The following CADM2 variants were observed in gnomAD, a reference collection of about 807,000 sequenced individuals.
CADM2 encodes the protein cell adhesion molecule 2, also known as immunoglobulin superfamily member 4D.
In CADM2, 12 loss-of-function variants were observed where a neutral mutation model predicts 49.8. The observed-to-expected ratio is 0.24, with a 90% CI of 0.15 to 0.39. The LOEUF (loss-of-function observed/expected upper bound fraction) is 0.39, where lower values mean the gene tolerates loss of function less well. CADM2 is among the 10% of genes least tolerant of loss of function. The probability of loss-of-function intolerance (pLI) is 1.00; values close to 1 mark genes in which losing one functional copy is unlikely to be tolerated. For missense variants in CADM2, 378 were observed against 492.3 expected, an observed-to-expected ratio of 0.77 and a Z score of 2.20; for synonymous variants, 214 against 175.4, an observed-to-expected ratio of 1.22 and a Z score of -1.74.
chr3:85,618,573 G>A (rs1178403211), intron 1 of CADM2, among the ~76,000 whole-genome samples: 1 of 151,960 alleles, frequency 6.6e-6, no homozygotes, highest in Non-Finnish European at 1.5e-5. Flanking sequence ...CTTAGTCATA[G>A]CCAAAGGATA....
chr3:85,432,473 G>T (rs2036726960), intron 1 of CADM2, among the ~76,000 whole-genome samples: 1 of 152,124 alleles, frequency 6.6e-6, no homozygotes. Flanking sequence ...CTCAAATCGT[G>T]AGAAGGGTTT....
chr3:85,162,070 A>G (rs1371287648), intron 1 of CADM2, among the ~76,000 whole-genome samples: 2 of 151,934 alleles, frequency 1.3e-5, no homozygotes, highest in African/African-American at 4.8e-5. Context: ...TTTAACCGTC[A>G]GTGATTGGTT....
At chr3:85,984,384 A>C (rs539799511) in intron 8 of CADM2, among the ~76,000 whole-genome samples, 4 of 151,712 alleles carry the variant, frequency 2.6e-5, no homozygotes, top group Non-Finnish European at 4.4e-5. Context: ...ATTTCATAAT[A>C]AACCATGTCA....
intron 7 of CADM2, among the ~76,000 whole-genome samples, chr3:85,945,292 T>C (rs1297676929): frequency 6.6e-6 from 1 of 151,914 alleles, no homozygotes; most frequent in Non-Finnish European, 1.5e-5. Context: ...ATTAAGAGCT[T>C]ACCAACAAAA....
At chr3:85,535,882 G>A (rs1411683585) in intron 1 of CADM2, among the ~76,000 whole-genome samples, 15 of 152,114 alleles carry the variant, frequency 9.9e-5, no homozygotes, top group East Asian at 1.9e-4. Flanking sequence ...GGTAGCTGTC[G>A]TATGGTAATG....
At chr3:84,978,994 T>C (rs931894373) in intron 1 of CADM2, among the ~76,000 whole-genome samples, 6 of 152,040 alleles carry the variant, frequency 3.9e-5, no homozygotes, top group Non-Finnish European at 7.4e-5. Context: ...GGCTGTGCCA[T>C]TGGCTCCCCC....
At chr3:85,039,881 C>CA (rs1211751744) in intron 1 of CADM2, among the ~76,000 whole-genome samples, 1 of 152,164 alleles carries the variant, frequency 6.6e-6, no homozygotes, top group African/African-American at 2.4e-5. Context: ...AAAACGGCTT[C>CA]ACCCAGCAAT....
chr3:85,023,237 G>T (rs2034584942), intron 1 of CADM2, among the ~76,000 whole-genome samples: 1 of 151,992 alleles, frequency 6.6e-6, no homozygotes, highest in Non-Finnish European at 1.5e-5. Flanking sequence ...TTTTGTTGTT[G>T]TTTTTGTTCT....
At chr3:85,293,304 C>T (rs1016067222) in intron 1 of CADM2, among the ~76,000 whole-genome samples, 1 of 151,622 alleles carries the variant, frequency 6.6e-6, no homozygotes, top group Admixed American at 6.6e-5. Context: ...CAATAGCTTA[C>T]CCACCAAAAA....
chr3:85,091,801 A>G (rs961149380), intron 1 of CADM2, among the ~76,000 whole-genome samples: 90 of 152,232 alleles, frequency 5.9e-4, no homozygotes, highest in African/African-American at 2.1e-3. Flanking sequence ...AAGCATAGTA[A>G]CCCATTTCTA....
intron 1 of CADM2, among the ~76,000 whole-genome samples, chr3:84,961,557 A>C (rs2030517295): frequency 6.6e-6 from 1 of 152,106 alleles, no homozygotes; most frequent in Non-Finnish European, 1.5e-5. Context: ...GCGCTGAGAC[A>C]ATCTCACAGA....
chr3:85,133,848 C>T (rs2039320275), intron 1 of CADM2, among the ~76,000 whole-genome samples: 1 of 152,254 alleles, frequency 6.6e-6, no homozygotes, highest in Admixed American at 6.5e-5. Context: ...GCCAGTCCCG[C>T]GCCGTGCGCC....
chr3:85,066,305 T>C (rs2036527609), intron 1 of CADM2, among the ~76,000 whole-genome samples: 1 of 151,388 alleles, frequency 6.6e-6, no homozygotes, highest in South Asian at 2.1e-4. Context: ...TGTTCCCAAA[T>C]CTGGCCCACC....
intron 1 of CADM2, among the ~76,000 whole-genome samples, chr3:85,311,536 G>T (rs1286304706): frequency 6.6e-6 from 1 of 151,768 alleles, no homozygotes; most frequent in Admixed American, 6.6e-5. Context: ...CACCACCCCG[G>T]CTAATTTTTT....
intron 1 of CADM2, among the ~76,000 whole-genome samples, chr3:85,111,186 A>G (rs1434046333): frequency 6.6e-6 from 1 of 151,854 alleles, no homozygotes; most frequent in Admixed American, 6.6e-5. Context: ...AAAACATTTT[A>G]TATGCATTTA....
At chr3:84,976,476 C>A (rs1347276472) in intron 1 of CADM2, among the ~76,000 whole-genome samples, 1 of 151,282 alleles carries the variant, frequency 6.6e-6, no homozygotes, top group African/African-American at 2.4e-5. Flanking sequence ...AGTATTTTTC[C>A]TTCAAAAATA....
At chr3:85,603,270 C>T (rs1340050858) in intron 1 of CADM2, among the ~76,000 whole-genome samples, 1 of 151,884 alleles carries the variant, frequency 6.6e-6, no homozygotes. Flanking sequence ...TGCATTTCTT[C>T]TAACATGCCA....
chr3:85,766,577 T>G (rs1342111744), intron 2 of CADM2, among the ~76,000 whole-genome samples: 1 of 152,222 alleles, frequency 6.6e-6, no homozygotes, highest in Non-Finnish European at 1.5e-5. Flanking sequence ...AAGAGACTCC[T>G]GTACACATTT....
rs752206329 is a variant in CADM2, at chr3:85,912,586, T to A, written c.700+43T>A. On this transcript the variant is annotated intron_variant, in intron 6 of 9. Coordinates refer to ENST00000383699, the MANE Select transcript of CADM2 (RefSeq NM_001167675.2). ...CCCCCTCCTTTATCTCAGCAGCAAA[T>A]CTCTTCATCTGCATCTAAAATCATT... The A allele has an allele frequency of 3.3e-5, 51 of 1,552,368 alleles. No homozygotes were observed. The South Asian group carries it at 3.6e-4, about 11-fold the overall frequency.
Sources: allele counts gnomAD v4.1 joint callset (sites outside exome capture counted in the v4.1 genomes callset), GRCh38; gene constraint gnomAD v4.1.1; transcripts MANE v1.5; gene names NCBI Gene and HGNC (gene_info 2026-07-23, HGNC 2026-07-21).